THADA: variants seen among roughly 807,000 people sequenced by gnomAD.
THADA encodes the protein tRNA (32-2'-O)-methyltransferase regulator THADA.
In THADA, 213 loss-of-function variants were observed where a neutral mutation model predicts 219.8. That is an observed-to-expected ratio of 0.97 (90% CI 0.87 to 1.09). The LOEUF (loss-of-function observed/expected upper bound fraction) is 1.09, where lower values mean the gene tolerates loss of function less well. THADA is among the 50% of genes least tolerant of loss of function. The pLI is 0.00. For missense variants in THADA, 2,956 were observed against 2,311.3 expected (o/e 1.28, Z -5.72); for synonymous variants, 1,018 against 828.9 (o/e 1.23, Z -3.92).
intron 26 of THADA, among the ~76,000 whole-genome samples, chr2:43,437,340 G>C (rs1558760315): frequency 6.6e-6 from 1 of 152,130 alleles, no homozygotes; most frequent in Non-Finnish European, 1.5e-5. Context: ...AAATGGAAAG[G>C]TCAATACAAA....
chr2:43,581,788 T>G lies in THADA; in HGVS notation c.674A>C (p.Gln225Pro). 6.2e-7 allele frequency: 1 copy of G among 1,612,620 alleles called. No individual in the cohort carries two copies. The highest frequency in any genetic ancestry group is 8.5e-7 in the Non-Finnish European group (1 of 1,179,660). The change falls in exon 8 of 38, where the codon CAA becomes CCA. Residue 225 changes from glutamine to proline, a missense_variant. Transcript: ENST00000405975. Reference protein sequence around the residue: ...LWKTSDSPIWQNMCGLLSIFT... With the variant: ...LWKTSDSPIWPNMCGLLSIFT... ...AATACTCAGCAATCCACACATATTT[T>G]GCCATATGGGAGAATCGGAAGTCTT...
intron 29 of THADA, among the ~76,000 whole-genome samples, chr2:43,358,716 TA>T (rs1431065460): frequency 6.6e-6 from 1 of 152,156 alleles, no homozygotes; most frequent in Non-Finnish European, 1.5e-5. Context: ...CAACTGGACT[TA>T]ACTGTACCTA....
chr2:43,452,714 C>T (rs1232538629), intron 26 of THADA, among the ~76,000 whole-genome samples: 1 of 152,196 alleles, frequency 6.6e-6, no homozygotes, highest in Non-Finnish European at 1.5e-5. Context: ...GAGTCAGGCC[C>T]ACCCACTGAA....
At chr2:43,502,584 C>CA (rs1172070049) in intron 24 of THADA, among the ~76,000 whole-genome samples, 7,299 of 73,292 alleles carry the variant, frequency 0.1, 267 homozygotes, top group Middle Eastern at 0.16. Flanking sequence ...GACCTCGTCT[C>CA]AAAAAAAAAA....
intron 29 of THADA, among the ~76,000 whole-genome samples, chr2:43,350,153 G>C (rs913943853): frequency 2.0e-5 from 3 of 152,186 alleles, no homozygotes; most frequent in African/African-American, 7.2e-5. Context: ...AGTTGGGAAT[G>C]TGAATATTTA....
chr2:43,566,845 A>C, intron 14 of THADA, 24 bp from the exon 15 acceptor site: 1 of 1,345,636 alleles, frequency 7.4e-7, no homozygotes, highest in Non-Finnish European at 9.9e-7. Context: ...AAAAAATTAC[A>C]GTAAGTATAA....
chr2:43,272,168 G>C (rs995899860), intron 36 of THADA, among the ~76,000 whole-genome samples: 7 of 152,174 alleles, frequency 4.6e-5, no homozygotes, highest in African/African-American at 1.7e-4. Context: ...AGGTTGGAAT[G>C]GGCTCTGGAG....
At chr2:43,395,160 C>T (rs1673872851) in intron 29 of THADA, among the ~76,000 whole-genome samples, 1 of 152,210 alleles carries the variant, frequency 6.6e-6, no homozygotes, top group African/African-American at 2.4e-5. Flanking sequence ...AACCAAACTA[C>T]TTGGATAAAG....
At chr2:43,490,289 G>A (rs2105030178) in intron 25 of THADA, among the ~76,000 whole-genome samples, 1 of 152,256 alleles carries the variant, frequency 6.6e-6, no homozygotes, top group East Asian at 1.9e-4. Context: ...AGAAAATAGA[G>A]ATAGTTTTGC....
At chr2:43,388,156 C>T (rs775429975) in intron 29 of THADA, among the ~76,000 whole-genome samples, 2 of 152,146 alleles carry the variant, frequency 1.3e-5, no homozygotes, top group Non-Finnish European at 2.9e-5. Context: ...TTTGCATATA[C>T]TAAAAACAAA....
chr2:43,342,537 G>C (rs1558610557), intron 30 of THADA, among the ~76,000 whole-genome samples: 1 of 152,126 alleles, frequency 6.6e-6, no homozygotes, highest in Non-Finnish European at 1.5e-5. Flanking sequence ...TCATATTGCT[G>C]TGTCTCTGCC....
chr2:43,264,886 A>G (rs1671348293), intron 36 of THADA, among the ~76,000 whole-genome samples: 1 of 152,242 alleles, frequency 6.6e-6, no homozygotes, highest in African/African-American at 2.4e-5. Context: ...TGGTGGTGAC[A>G]GAAACAAATG....
At chr2:43,231,969 A>G (rs1386337395) in intron 37 of THADA, among the ~76,000 whole-genome samples, 1 of 152,066 alleles carries the variant, frequency 6.6e-6, no homozygotes, top group African/African-American at 2.4e-5. Context: ...CTTTGTCCTC[A>G]GTTTCCCTAT....
At chr2:43,325,583 G>C (rs551623361) in intron 30 of THADA, among the ~76,000 whole-genome samples, 1 of 152,144 alleles carries the variant, frequency 6.6e-6, no homozygotes, top group African/African-American at 2.4e-5. Flanking sequence ...AAGGGAAGAG[G>C]AGAGAGATGG....
intron 15 of THADA, chr2:43,565,973 AGC>A: frequency 6.5e-6 from 1 of 153,782 alleles, no homozygotes; most frequent in Non-Finnish European, 1.4e-5. Flanking sequence ...CTGAAGTCCC[AGC>A]TACTCGGGAG....
intron 22 of THADA, among the ~76,000 whole-genome samples, chr2:43,513,576 T>G (rs1690777484): frequency 6.6e-6 from 1 of 152,184 alleles, no homozygotes; most frequent in African/African-American, 2.4e-5. Flanking sequence ...TGAATCAGGC[T>G]GACTACTAAC....
chr2:43,254,546 T>A (rs536623412), intron 36 of THADA, among the ~76,000 whole-genome samples: 113 of 152,090 alleles, frequency 7.4e-4, no homozygotes, highest in South Asian at 1.0e-3. Flanking sequence ...ACTCACGCAC[T>A]CGATGCTTGT....
intron 30 of THADA, among the ~76,000 whole-genome samples, chr2:43,327,373 G>A (rs2104484301): frequency 6.6e-6 from 1 of 151,566 alleles, no homozygotes; most frequent in South Asian, 2.1e-4. Context: ...ACCACCAGCA[G>A]GCCCATAACG....
intron 31 of THADA, among the ~76,000 whole-genome samples, chr2:43,310,781 G>C (rs1038894388): frequency 6.6e-6 from 1 of 152,202 alleles, no homozygotes; most frequent in Admixed American, 6.5e-5. Flanking sequence ...TATGAAGACA[G>C]TAAAAATCCA....
Sources: allele counts gnomAD v4.1 joint callset (sites outside exome capture counted in the v4.1 genomes callset), GRCh38; gene constraint gnomAD v4.1.1; transcripts MANE v1.5; gene names NCBI Gene and HGNC (gene_info 2026-07-23, HGNC 2026-07-21).